The following NKAIN3 variants were observed in gnomAD, a reference collection of about 807,000 sequenced individuals.
NKAIN3 encodes the protein sodium/potassium-transporting ATPase subunit beta-1-interacting protein 3.
In NKAIN3, 25 loss-of-function variants were observed where a neutral mutation model predicts 30.2. That is an observed-to-expected ratio of 0.83 (90% CI 0.60 to 1.16). NKAIN3 has a LOEUF of 1.16. Ranked by LOEUF, NKAIN3 falls within the 50% of genes most tolerant of loss-of-function variation. The pLI is 0.00. For missense variants in NKAIN3, 225 were observed against 254.1 expected (o/e 0.89, Z 0.78); for synonymous variants, 91 against 89.6 (o/e 1.02, Z -0.09).
chr8:62,512,902 A>G (rs1807859209), intron 1 of NKAIN3, among the ~76,000 whole-genome samples: 1 of 152,096 alleles, frequency 6.6e-6, no homozygotes, highest in Admixed American at 6.6e-5. Context: ...ACAAGTGACA[A>G]ATGACTGTCC....
At chr8:62,873,492 T>C (rs1426688200) in intron 4 of NKAIN3, among the ~76,000 whole-genome samples, 1 of 148,120 alleles carries the variant, frequency 6.8e-6, no homozygotes, top group Non-Finnish European at 1.5e-5. Flanking sequence ...ATGGATCTAG[T>C]AGACGTCTGC....
At chr8:62,630,691 G>A (rs1811929482) in intron 3 of NKAIN3, among the ~76,000 whole-genome samples, 1 of 152,030 alleles carries the variant, frequency 6.6e-6, no homozygotes, top group Non-Finnish European at 1.5e-5. Context: ...TGCAAACATT[G>A]CTTGTTATTT....
intron 6 of NKAIN3, among the ~76,000 whole-genome samples, chr8:62,954,287 G>A (rs1477597188): frequency 1.3e-5 from 2 of 152,120 alleles, no homozygotes; most frequent in Admixed American, 6.6e-5. Context: ...GTGTCCTGGG[G>A]CAGCACAGCA....
At chr8:62,805,088 C>T (rs965539922) in intron 4 of NKAIN3, among the ~76,000 whole-genome samples, 28 of 152,104 alleles carry the variant, frequency 1.8e-4, no homozygotes, top group Middle Eastern at 6.8e-3. Flanking sequence ...GGAATCCAAC[C>T]TACAAGGGAC....
At chr8:62,880,657 T>G (rs1820948075) in intron 4 of NKAIN3, among the ~76,000 whole-genome samples, 1 of 152,204 alleles carries the variant, frequency 6.6e-6, no homozygotes, top group South Asian at 2.1e-4. Flanking sequence ...TACATCCTCC[T>G]CCAGATTCCT....
chr8:62,670,879 G>GCATA (rs1813278296), intron 3 of NKAIN3, among the ~76,000 whole-genome samples: 1 of 141,986 alleles, frequency 7.0e-6, no homozygotes, highest in Admixed American at 7.1e-5. Flanking sequence ...ACACATACAA[G>GCATA]CACACACACA....
intron 1 of NKAIN3, among the ~76,000 whole-genome samples, chr8:62,293,131 C>G (rs1399179937): frequency 1.3e-5 from 2 of 152,080 alleles, no homozygotes; most frequent in South Asian, 4.1e-4. Flanking sequence ...AGCTATTCGT[C>G]TAATCTTTTT....
At chr8:62,878,941 T>A (rs1454126965) in intron 4 of NKAIN3, among the ~76,000 whole-genome samples, 1 of 152,216 alleles carries the variant, frequency 6.6e-6, no homozygotes, top group East Asian at 1.9e-4. Flanking sequence ...TTCCAAATCT[T>A]TGCTATTGTG....
In NKAIN3 at chr8:62,330,068, G is replaced by T. The variant is rs1585687318; in HGVS notation, c.54+80941G>T. On this transcript the variant is annotated intron_variant, in intron 1 of 6. Transcript: ENST00000623646. ...ATGAATGAAAGATTCTTAATTTGTG[G>T]CTCCAAGAATGAGGACGAGGAAGTA... 2.0e-5 allele frequency among the ~76,000 whole-genome samples: 3 copies of T among 152,042 alleles called. No homozygotes were observed. The Middle Eastern group carries it at 0.01, about 517-fold the overall frequency.
intron 3 of NKAIN3, among the ~76,000 whole-genome samples, chr8:62,710,549 C>A (rs1007662525): frequency 3.3e-5 from 5 of 152,110 alleles, no homozygotes; most frequent in African/African-American, 1.2e-4. Flanking sequence ...CCCCTGCTCA[C>A]TTTTAGTGTC....
chr8:62,760,103 G>A (rs906781611), intron 4 of NKAIN3, among the ~76,000 whole-genome samples: 3 of 152,062 alleles, frequency 2.0e-5, no homozygotes, highest in Non-Finnish European at 2.9e-5. Flanking sequence ...TTAGAATGGC[G>A]ATCATTAAAA....
At chr8:62,732,391 A>G (rs1815499999) in intron 3 of NKAIN3, among the ~76,000 whole-genome samples, 1 of 152,020 alleles carries the variant, frequency 6.6e-6, no homozygotes, top group Non-Finnish European at 1.5e-5. Flanking sequence ...AAGTTTTTAA[A>G]TGTGGAATTC....
chr8:62,922,558 A>G (rs1425871336), intron 5 of NKAIN3, among the ~76,000 whole-genome samples: 2 of 152,168 alleles, frequency 1.3e-5, no homozygotes, highest in African/African-American at 4.8e-5. Flanking sequence ...AAACCAGTCC[A>G]TTGTTTTGCA....
chr8:62,499,688 T>G (rs1807357850), intron 1 of NKAIN3, among the ~76,000 whole-genome samples: 1 of 152,140 alleles, frequency 6.6e-6, no homozygotes, highest in Non-Finnish European at 1.5e-5. Flanking sequence ...AGGACTTATA[T>G]ATCCCCTTTT....
At chr8:62,740,842 A>G (rs1482016691) in intron 3 of NKAIN3, among the ~76,000 whole-genome samples, 1 of 152,098 alleles carries the variant, frequency 6.6e-6, no homozygotes, top group Non-Finnish European at 1.5e-5. Context: ...CAAACATTTA[A>G]TGTTTACTTA....
chr8:62,881,960 G>A (rs1359474295), intron 4 of NKAIN3, among the ~76,000 whole-genome samples: 3 of 152,138 alleles, frequency 2.0e-5, no homozygotes, highest in Non-Finnish European at 2.9e-5. Flanking sequence ...GTGTGTAATG[G>A]TATCCCATCG....
intron 3 of NKAIN3, among the ~76,000 whole-genome samples, chr8:62,726,732 A>G (rs1026774892): frequency 2.6e-5 from 4 of 152,058 alleles, no homozygotes; most frequent in African/African-American, 9.7e-5. Flanking sequence ...AACAGACAGC[A>G]TCAGGCCCAG....
intron 1 of NKAIN3, among the ~76,000 whole-genome samples, chr8:62,430,913 G>C (rs556653255): frequency 6.6e-4 from 101 of 151,916 alleles, no homozygotes; most frequent in African/African-American, 2.3e-3. Flanking sequence ...TCATTAGTAA[G>C]CTTCTTTTAG....
intron 4 of NKAIN3, among the ~76,000 whole-genome samples, chr8:62,868,821 C>T (rs1207547889): frequency 6.6e-6 from 1 of 152,116 alleles, no homozygotes; most frequent in Non-Finnish European, 1.5e-5. Context: ...AACATCATGC[C>T]TAGTATTTCC....
Sources: gnomAD v4.1 joint callset for allele counts (sites outside exome capture counted in the v4.1 genomes callset) on GRCh38, gnomAD v4.1.1 for gene constraint, MANE v1.5 for transcripts, NCBI Gene and HGNC (gene_info 2026-07-23, HGNC 2026-07-21) for gene names.